MROH2A: variants seen among roughly 807,000 people sequenced by gnomAD.
The protein encoded by MROH2A is maestro heat like repeat family member 2A, also known as maestro heat-like repeat-containing protein family member 2A.
In MROH2A, 174 loss-of-function variants were observed where a neutral mutation model predicts 200.4. The observed-to-expected ratio is 0.87, with a 90% confidence interval of 0.77 to 0.98. The LOEUF (loss-of-function observed/expected upper bound fraction) is 0.98. Ranked by LOEUF, MROH2A falls within the 50% of genes least tolerant of loss-of-function variation. MROH2A has a pLI of 0.00. For synonymous variants in MROH2A, 829 were observed against 840.4 expected (o/e 0.99, Z 0.23); for missense variants, 2,045 against 2,139.6 (o/e 0.96, Z 0.87).
At position 233,814,635 on chromosome 2, in the gene MROH2A, G is replaced by A. The variant is rs1703395287; in HGVS notation, c.2814G>A (p.Leu938=). 6.5e-7 allele frequency: 1 copy of A among 1,550,362 alleles called. No individual in the cohort carries two copies. The highest frequency in any genetic ancestry group is 1.2e-5 in the South Asian group (1 of 84,046). ...SSLEQLMESL[L]QRQLDPKGLQ... ...TGGAGCAGCTGATGGAGAGCCTCCT[G>A]CAGAGGCAGCTGGACCCCAAGGGGC... Residue 938 remains leucine, a synonymous_variant, in exon 26 of 42, where the codon CTG becomes CTA. Coordinates refer to ENST00000389758, the MANE Select transcript of MROH2A (RefSeq NM_001394639.1).
chr2:233,823,745 C>T, intron 35 of MROH2A, 81 bp downstream of exon 35: 1 of 1,509,772 alleles, frequency 6.6e-7, no homozygotes, highest in Non-Finnish European at 8.9e-7. Context: ...TGGCTTGTCT[C>T]CAAGGCATGG....
chr2:233,790,069 C>T, intron 5 of MROH2A, 55 bp downstream of exon 5: 1 of 1,434,708 alleles, frequency 7.0e-7, no homozygotes, highest in Non-Finnish European at 9.3e-7. Flanking sequence ...GTCTCTGCCT[C>T]TCTCTGCCCC....
intron 3 of MROH2A, among the ~76,000 whole-genome samples, chr2:233,787,363 C>G (rs146011757): frequency 0.01 from 1,466 of 146,220 alleles, 5 homozygotes; most frequent in African/African-American, 0.019. Flanking sequence ...TCTTGGGGGA[C>G]AAAGAAAATT....
Position 233,796,379 on chromosome 2 carries a change from G to A in MROH2A, c.1252+66G>A. The stretch of plus-strand genomic sequence containing the variant: ...GGTAGGCAGGGTGGAGAACAAGGGA[G>A]GCAAGTTTCATTCATGTTCGGGCAT... On this transcript the variant is annotated intron_variant, in intron 11 of 41. Transcript: ENST00000389758. 2.8e-6 allele frequency: 3 copies of A among 1,070,198 alleles called. No individual in the cohort carries two copies. The East Asian group carries it at 7.9e-5, about 28-fold the overall frequency. 66.3% of individuals were successfully genotyped at this position (1,070,198 alleles called of 1,614,324 possible).
chr2:233,789,528 A>G lies in MROH2A; in HGVS notation c.308A>G (p.Asn103Ser), dbSNP rs913421761. The G allele has an allele frequency of 1.4e-5, 20 of 1,461,536 alleles. No homozygotes were observed. The highest frequency in any genetic ancestry group is 1.7e-5 in the Non-Finnish European group (19 of 1,104,826). 90.5% of individuals were successfully genotyped at this position (1,461,536 alleles called of 1,614,324 possible). A position where few individuals can be genotyped will look rare whatever the true frequency, so the allele number is the denominator to read the frequency against. ...ACCCAGCGCAAGGTCAACATTTACA[A>G]CATCCTCCAGGACATCATCCAGCAG... ...ISTQRKVNIYNILQDIIQQEG... is the reference protein window; with the variant it reads ...ISTQRKVNIYSILQDIIQQEG... Residue 103 changes from asparagine to serine, a missense_variant, in exon 4 of 42, where the codon AAC (asparagine) becomes AGC (serine). Transcript: ENST00000389758.
chr2:233,778,631 G>A (rs1700784529), intron 1 of MROH2A, 150 bp downstream of exon 1: 2 of 157,086 alleles, frequency 1.3e-5, no homozygotes, highest in African/African-American at 4.8e-5. Flanking sequence ...CCACCATCTC[G>A]ACATCTATGT....
intron 5 of MROH2A, among the ~76,000 whole-genome samples, chr2:233,791,041 A>G (rs374231619): frequency 1.4e-4 from 21 of 152,290 alleles, no homozygotes; most frequent in African/African-American, 3.4e-4. Flanking sequence ...CGGAGAGAAC[A>G]TTGCAGAGGC....
chr2:233,810,932 CA>C lies in MROH2A; in HGVS notation c.2571+17del, dbSNP rs1474158889. 6.5e-7 allele frequency: 1 copy of C among 1,548,980 alleles called. No individual in the cohort carries two copies. The highest frequency in any genetic ancestry group is 2.4e-5 in the East Asian group (1 of 40,880). ...CATTATAGTGGTAAGCTGGGTGGGGCACCTCCTTGGTCCTGTTCCTGGTTTT... is the reference window on the plus strand; with the variant it reads ...CATTATAGTGGTAAGCTGGGTGGGGCCCTCCTTGGTCCTGTTCCTGGTTTT... On this transcript the variant is annotated intron_variant, in intron 23 of 41. Transcript: ENST00000389758.
At chr2:233,810,943 T>A in intron 23 of MROH2A, 27 bp downstream of exon 23, 1 of 1,548,110 alleles carries the variant, frequency 6.5e-7, no homozygotes, top group East Asian at 2.4e-5. Flanking sequence ...ACCTCCTTGG[T>A]CCTGTTCCTG....
At chr2:233,818,970 C>T (rs925162742) in intron 29 of MROH2A, among the ~76,000 whole-genome samples, 200 bp downstream of exon 29, 2 of 152,252 alleles carry the variant, frequency 1.3e-5, no homozygotes, top group African/African-American at 4.8e-5. Flanking sequence ...CTCTGGCACG[C>T]AGTAGGTGCT....
chr2:233,789,451 T>G, intron 3 of MROH2A, 46 bp from the exon 4 acceptor site: 2 of 1,341,128 alleles, frequency 1.5e-6, no homozygotes, highest in Non-Finnish European at 1.9e-6. Context: ...GGACTTGTGC[T>G]GGGGGCAGGG....
intron 11 of MROH2A, among the ~76,000 whole-genome samples, chr2:233,798,244 C>T (rs945974627): frequency 1.3e-5 from 2 of 152,232 alleles, no homozygotes; most frequent in Non-Finnish European, 2.9e-5. Context: ...CCAGCCCTTA[C>T]GGTGTGCCAG....
intron 35 of MROH2A, among the ~76,000 whole-genome samples, chr2:233,825,007 A>T (rs762554320): frequency 1.7e-4 from 26 of 152,072 alleles, no homozygotes; most frequent in Non-Finnish European, 3.5e-4. Context: ...CTTTGAGCAG[A>T]GGTTTGTAGT....
At chr2:233,790,284 TTTCCTTCC>T (rs5839493) in intron 5 of MROH2A, among the ~76,000 whole-genome samples, 13,790 of 145,172 alleles carry the variant, frequency 0.095, 695 homozygotes, top group Middle Eastern at 0.13. Flanking sequence ...TCTTTTTTAA[TTTCCTTCC>T]TTCCTTCCTT....
chr2:233,814,526 G>GTTCATGCCA, intron 25 of MROH2A, 56 bp from the exon 26 acceptor site: 1 of 1,289,676 alleles, frequency 7.8e-7, no homozygotes, highest in Non-Finnish European at 1.1e-6. Context: ...CCTGCAGGGA[G>GTTCATGCCA]GGGGGTTGTG....
chr2:233,833,262 G>C lies in MROH2A; in HGVS notation c.*3G>C, dbSNP rs892726911. On this transcript the variant is annotated 3_prime_UTR_variant, in exon 42 of 42. Transcript: ENST00000389758. ...CTTCACCCCAAGGAATGTCCTAGGT[G>C]GTCCAAACATAAGACGTAAACTGTC... 1.3e-6 allele frequency: 2 copies of C among 1,528,558 alleles called. No homozygotes were observed. The highest frequency in any genetic ancestry group is 1.4e-5 in the African/African-American group (1 of 71,946). 94.7% of individuals were successfully genotyped at this position (1,528,558 alleles called of 1,614,324 possible). A position where few individuals can be genotyped will look rare whatever the true frequency, so the allele number is the denominator to read the frequency against.
In MROH2A at chr2:233,779,773, C is replaced by T. The variant is rs571606905; in HGVS notation, c.197C>T (p.Ser66Leu). ...AGLDMRKTLA[S>L]VIIMEKATTE... Reference sequence around the variant, plus strand: ...CTTGACATGCGGAAGACCCTGGCCTCGGTGATAATCATGGAGAAGGCCACC... The same window carrying T: ...CTTGACATGCGGAAGACCCTGGCCTTGGTGATAATCATGGAGAAGGCCACC... Residue 66 changes from serine (S) to leucine (L), a missense_variant, in exon 3 of 42, where the codon TCG (serine) becomes TTG (leucine). This residue lies in a region of MROH2A where 831 missense variants were observed against 800.0 expected (regional missense o/e 1.04). Transcript: ENST00000389758. 3.2e-5 allele frequency: 50 copies of T among 1,550,848 alleles called. No individual in the cohort carries two copies. Among genetic ancestry groups the T allele is most frequent in the South Asian group, 1.8e-4 (15 of 84,058 alleles).
intron 3 of MROH2A, among the ~76,000 whole-genome samples, chr2:233,781,901 A>G (rs1185337323): frequency 6.6e-6 from 1 of 152,184 alleles, no homozygotes; most frequent in Non-Finnish European, 1.5e-5. Flanking sequence ...ATTTTTGCAT[A>G]TGGTGAGAGA....
rs1703865115 is a variant in MROH2A, at chr2:233,820,501, C to T, written c.3512+445C>T. On this transcript the variant is annotated intron_variant, in intron 31 of 41. Transcript: ENST00000389758. The surrounding 1 kb of genome is among the most constrained non-coding windows in gnomAD (Gnocchi z 4.1). ...TCCCAGTCTCCAAGGGGAGAATGGC[C>T]CAACCTCCAGCCCCAGAGGTGGCCA... 2.0e-5 allele frequency among the ~76,000 whole-genome samples: 3 copies of T among 152,092 alleles called. No homozygotes were observed. The highest frequency in any genetic ancestry group is 2.9e-5 in the Non-Finnish European group (2 of 68,002).
Sources: gnomAD v4.1 joint callset for allele counts (sites outside exome capture counted in the v4.1 genomes callset) on GRCh38, gnomAD v4.1.1 for gene constraint, gnomAD v4.1.1 regional missense constraint, Gnocchi (gnomAD v3.1) non-coding constraint, MANE v1.5 for transcripts, NCBI Gene and HGNC (gene_info 2026-07-23, HGNC 2026-07-21) for gene names.